The following PARP10 variants were observed in gnomAD, a reference collection of about 807,000 sequenced individuals.
PARP10 encodes protein mono-ADP-ribosyltransferase PARP10.
PARP10 carries 56 observed loss-of-function variants against 82.4 expected under a neutral mutation model. The ratio of observed to expected loss-of-function variants is 0.68; its 90% confidence interval spans 0.55 to 0.85. The LOEUF is 0.85. Ranked by LOEUF, PARP10 falls within the 40% of genes least tolerant of loss-of-function variation. PARP10 has a pLI of 0.00. For synonymous variants in PARP10, 576 were observed against 601.1 expected (o/e 0.96, Z 0.61); for missense variants, 1,227 against 1,379.4 (o/e 0.89, Z 1.75).
intron 9 of PARP10, among the ~76,000 whole-genome samples, chr8:143,978,843 G>C (rs1554747035): frequency 6.6e-6 from 1 of 152,172 alleles, no homozygotes; most frequent in Non-Finnish European, 1.5e-5. Flanking sequence ...GCTTCCCTGA[G>C]CTGAAGGAAC....
upstream of PARP10, among the ~76,000 whole-genome samples, chr8:143,988,463 T>G (rs1554749981): frequency 1.4e-5 from 2 of 147,002 alleles, no homozygotes; most frequent in African/African-American, 2.5e-5. Context: ...TTATTTTTAT[T>G]TACTTATTTA....
chr8:143,992,398 T>G (rs1554750698), upstream of PARP10: 2 of 1,610,240 alleles, frequency 1.2e-6, no homozygotes, highest in South Asian at 2.2e-5. Context: ...GTGGCTGGGC[T>G]GTGGCCGCAG....
chr8:143,979,660 T>C (rs1462609052), intron 9 of PARP10, among the ~76,000 whole-genome samples: 3 of 151,576 alleles, frequency 2.0e-5, no homozygotes, highest in Non-Finnish European at 2.9e-5. Context: ...CCTGTAATCC[T>C]GGCACTTTGG....
Position 144,008,569 on chromosome 8 carries a change from C to T in PARP10, c.-80+3961G>A, listed in dbSNP as rs1490314185. On this transcript the variant is annotated intron_variant, in intron 1 of 3. Coordinates refer to the PARP10 transcript ENST00000530478. This position sits in a 1 kb window ranked among gnomAD's most constrained non-coding sequence, Gnocchi z 4.0. ...AACGGGCCGGGAGGAGCGCAAACCC[C>T]GAGTGCACCCCAGGAGGTTCCTGTC... 1.3e-5 allele frequency among the ~76,000 whole-genome samples: 2 copies of T among 152,278 alleles called. No homozygotes were observed. The highest frequency in any genetic ancestry group is 2.1e-4 in the South Asian group (1 of 4,826).
chr8:143,982,909 A>T (rs1281843295), intron 9 of PARP10, 23 bp downstream of exon 9: 3 of 1,611,456 alleles, frequency 1.9e-6, no homozygotes, highest in Non-Finnish European at 2.5e-6. Context: ...CCATGAGGCC[A>T]GAGAGACAGG....
At chr8:144,006,076 G>C (rs986895111) in intron 1 of PARP10, among the ~76,000 whole-genome samples, 12 of 152,046 alleles carry the variant, frequency 7.9e-5, no homozygotes, top group Non-Finnish European at 1.6e-4. Flanking sequence ...GTGCTCCCCA[G>C]TCCCCTGATC....
intron 1 of PARP10, among the ~76,000 whole-genome samples, chr8:144,006,092 C>G (rs1467959219): frequency 6.6e-6 from 1 of 152,184 alleles, no homozygotes; most frequent in Non-Finnish European, 1.5e-5. Flanking sequence ...TGATCAACTT[C>G]CAGCCTGGCT....
At position 143,985,891 on chromosome 8, in the gene PARP10, G is replaced by T. The variant is rs782294198; in HGVS notation, c.266C>A (p.Ala89Glu). 4.3e-5 allele frequency: 69 copies of T among 1,589,088 alleles called. No homozygotes were observed. Among genetic ancestry groups the T allele is most frequent in the Middle Eastern group, 1.7e-4 (1 of 5,980 alleles). Residue 89 changes from alanine (A) to glutamate (E), a missense_variant, in exon 3 of 11, where the codon GCA (alanine) becomes GAA (glutamate). By Grantham distance (107) the Ala-to-Glu change is moderately radical. Coordinates refer to ENST00000313028, the MANE Select transcript of PARP10 (RefSeq NM_032789.5). ...SLRPAPPRAPARLLLQGLPPG... is the reference protein window; with the variant it reads ...SLRPAPPRAPERLLLQGLPPG... ...GGGCAGTCCTTGGAGCAGCAGGCGT[G>T]CAGGGGCTCGTGGTGGAGCTGGCCG...
Position 143,985,486 on chromosome 8 carries a change from C to G in PARP10, c.599G>C (p.Gly200Ala). 6.2e-7 allele frequency: 1 copy of G among 1,613,814 alleles called. No individual in the cohort carries two copies. Among genetic ancestry groups the G allele is most frequent in the Non-Finnish European group, 8.5e-7 (1 of 1,179,890 alleles). Reference protein sequence around the residue: ...ELYLENERRSGGGPLEDLQRL... With the variant: ...ELYLENERRSAGGPLEDLQRL... Reference sequence around the variant, plus strand: ...TTGCAGGTCCTCCAGGGGCCCCCCACCACTGCGGCGCTCATTCTCCAGGTA... The same window carrying G: ...TTGCAGGTCCTCCAGGGGCCCCCCAGCACTGCGGCGCTCATTCTCCAGGTA... The change falls in exon 4 of 11, where the codon GGT becomes GCT. Residue 200 changes from glycine (G) to alanine (A), a missense_variant. Physicochemically the swap from Gly to Ala is moderately conservative, Grantham distance 60. Transcript: ENST00000313028.
intron 1 of PARP10, among the ~76,000 whole-genome samples, chr8:144,007,454 G>A (rs1166817205): frequency 6.6e-6 from 1 of 152,190 alleles, no homozygotes; most frequent in South Asian, 2.1e-4. Flanking sequence ...TCAACTGCTG[G>A]TATACAGCAG....
At chr8:143,990,063 C>G (rs1342871653), upstream of PARP10, 1 of 151,038 alleles carries the variant, frequency 6.6e-6, no homozygotes, top group Non-Finnish European at 1.5e-5. The surrounding 1 kb of genome is among the most constrained non-coding windows in gnomAD (Gnocchi z 5.6). Flanking sequence ...GTCACAAGGC[C>G]CCGCTGCGTC....
At chr8:143,992,367 C>T, upstream of PARP10, 1 of 1,602,328 alleles carries the variant, frequency 6.2e-7, no homozygotes. Flanking sequence ...TCATCTTCTC[C>T]ATGCAGGTGA....
upstream of PARP10, among the ~76,000 whole-genome samples, chr8:143,994,929 T>C (rs114365423): frequency 2.8e-3 from 418 of 150,232 alleles, 3 homozygotes; most frequent in African/African-American, 1.0e-2. Flanking sequence ...AAAGTGTTTA[T>C]GTGGCTAACG....
upstream of PARP10, among the ~76,000 whole-genome samples, chr8:143,994,128 G>A (rs1554751045): frequency 6.6e-6 from 1 of 152,222 alleles, no homozygotes; most frequent in South Asian, 2.1e-4. Flanking sequence ...TCCCACTGCA[G>A]CCTCGAGGCT....
Position 144,008,583 on chromosome 8 carries a change from G to C in PARP10, c.-80+3947C>G, listed in dbSNP as rs1834250413. On this transcript the variant is annotated intron_variant, in intron 1 of 3. Coordinates refer to the PARP10 transcript ENST00000530478. This position sits in a 1 kb window ranked among gnomAD's most constrained non-coding sequence, Gnocchi z 4.0. Reference sequence around the variant, plus strand: ...AGCGCAAACCCCGAGTGCACCCCAGGAGGTTCCTGTCACTCCTGCGGGCCC... The same window carrying C: ...AGCGCAAACCCCGAGTGCACCCCAGCAGGTTCCTGTCACTCCTGCGGGCCC... Among the ~76,000 whole-genome samples, 1 of 152,198 alleles carries C rather than the reference G, an allele frequency of 6.6e-6. No individual in the cohort carries two copies. The highest frequency in any genetic ancestry group is 2.4e-5 in the African/African-American group (1 of 41,448).
In PARP10 at chr8:143,985,586, C is replaced by T; in HGVS notation, c.499G>A (p.Ala167Thr). The part of the protein sequence containing the change: ...LGLEGTLVSL[A>T]RVPQARAVRV... ...ACCGCTCGGGCCTGGGGAACCCGGG[C>T]CAGGGACACCAAGGTCCCCTCCAGG... Residue 167 changes from alanine to threonine, a missense_variant, in exon 4 of 11, where the codon GCC (alanine) becomes ACC (threonine). Ala to Thr is a moderately conservative substitution (Grantham distance 58). Coordinates refer to ENST00000313028, the MANE Select transcript of PARP10 (RefSeq NM_032789.5). The T allele has an allele frequency of 6.2e-7, 1 of 1,614,024 alleles. No individual in the cohort carries two copies. The highest frequency in any genetic ancestry group is 8.5e-7 in the Non-Finnish European group (1 of 1,179,996).
At position 143,977,420 on chromosome 8, in the gene PARP10, G is replaced by T. The variant is rs1833714887; in HGVS notation, c.*64C>A. 15 of 1,384,990 alleles carry T rather than the reference G, an allele frequency of 1.1e-5. No individual in the cohort carries two copies. Among genetic ancestry groups the T allele is most frequent in the Non-Finnish European group, 1.4e-5 (15 of 1,035,418 alleles). 85.8% of individuals were successfully genotyped at this position (1,384,990 alleles called of 1,614,324 possible). The stretch of plus-strand genomic sequence containing the variant: ...CTCAGGCGGCCACAGTTGGGGGCGG[G>T]GAGCATCAGCCTGTGCGGAGCTGGG... On this transcript the variant is annotated 3_prime_UTR_variant, in exon 11 of 11. Transcript: ENST00000313028.
chr8:143,994,026 C>G (rs1007411264), upstream of PARP10, among the ~76,000 whole-genome samples: 4 of 152,224 alleles, frequency 2.6e-5, no homozygotes, highest in African/African-American at 9.6e-5. Context: ...TGCAGGGGGT[C>G]CCTCCATTGC....
chr8:143,985,303 C>A lies in PARP10; in HGVS notation c.699G>T (p.Glu233Asp). 1 of 1,610,148 alleles carries A rather than the reference C, an allele frequency of 6.2e-7. No individual in the cohort carries two copies. Among genetic ancestry groups the A allele is most frequent in the South Asian group, 1.1e-5 (1 of 90,758 alleles). Residue 233 changes from glutamate to aspartate, a missense_variant, in exon 5 of 11, where the codon GAG becomes GAT. Glu to Asp is a conservative substitution (Grantham distance 45, BLOSUM62 2). Transcript: ENST00000313028. ...WQVAERVLQQ[E>D]HRLQGSELSL... ...TCAGCTCTGAGCCCTGCAACCGGTG[C>A]TCCTGCTGCAACACTCGTTCTGCCA...
Sources: allele counts gnomAD v4.1 joint callset (sites outside exome capture counted in the v4.1 genomes callset), GRCh38; gene constraint gnomAD v4.1.1; non-coding constraint Gnocchi (gnomAD v3.1); transcripts MANE v1.5; gene names NCBI Gene and HGNC (gene_info 2026-07-23, HGNC 2026-07-21).